Variants in NCAM1 observed in about 807,000 individuals in gnomAD.
The protein encoded by NCAM1 is neural cell adhesion molecule 1.
A neutral mutation model predicts 109.8 loss-of-function variants in NCAM1; 14 were observed. The ratio of observed to expected loss-of-function variants is 0.13; its 90% confidence interval spans 0.08 to 0.20. NCAM1 has a LOEUF of 0.20. Ranked by LOEUF, NCAM1 falls within the 10% of genes least tolerant of loss-of-function variation. NCAM1 has a pLI of 1.00. For synonymous variants in NCAM1, 418 were observed against 442.9 expected (o/e 0.94, Z 0.70); for missense variants, 774 against 1,109.9 (o/e 0.70, Z 4.30).
intron 1 of NCAM1, among the ~76,000 whole-genome samples, chr11:113,155,194 G>T (rs1290023804): frequency 1.3e-5 from 2 of 152,156 alleles, no homozygotes; most frequent in African/African-American, 2.4e-5. Flanking sequence ...GTCATTAGAG[G>T]GTTGTATATT....
chr11:113,044,765 G>GT lies in NCAM1; in HGVS notation c.52+83107dup, dbSNP rs1953205955. On this transcript the variant is annotated intron_variant, in intron 1 of 19. Transcript: ENST00000316851. ...GTGAGCTTTTTTTACTTTTATTTCT[G>GT]TTTTTTGAGACGGAGTCTCGCTCTG... Among the ~76,000 whole-genome samples the GT allele has an allele frequency of 2.6e-5, 4 of 151,602 alleles. No individual in the cohort carries two copies. In the South Asian group the frequency reaches 6.3e-4, roughly 24 times the overall value.
chr11:113,109,640 T>G (rs1221487331), intron 1 of NCAM1, among the ~76,000 whole-genome samples: 3 of 152,228 alleles, frequency 2.0e-5, no homozygotes, highest in Non-Finnish European at 4.4e-5. Flanking sequence ...CTGTTTGTTT[T>G]GTTGTTCAGA....
intron 9 of NCAM1, among the ~76,000 whole-genome samples, chr11:113,224,183 C>T (rs1387106164): frequency 6.6e-6 from 1 of 152,202 alleles, no homozygotes; most frequent in Non-Finnish European, 1.5e-5. Context: ...CCTTTTCTAG[C>T]CAAGGAAAGG....
At chr11:113,150,609 C>T (rs745742555) in intron 1 of NCAM1, among the ~76,000 whole-genome samples, 3 of 152,252 alleles carry the variant, frequency 2.0e-5, no homozygotes, top group Non-Finnish European at 4.4e-5. Context: ...ATTTGTAACT[C>T]ATTTGGGGAG....
At chr11:113,148,314 C>T (rs1442452591) in intron 1 of NCAM1, among the ~76,000 whole-genome samples, 8 of 151,796 alleles carry the variant, frequency 5.3e-5, no homozygotes, top group Non-Finnish European at 1.2e-4. Flanking sequence ...CCAGATCAGT[C>T]ACCTGGGCCA....
At chr11:113,158,438 A>G (rs1412124034) in intron 1 of NCAM1, among the ~76,000 whole-genome samples, 4 of 152,186 alleles carry the variant, frequency 2.6e-5, no homozygotes, top group East Asian at 1.9e-4. Flanking sequence ...CCTGGAGACT[A>G]TTGTACTTCA....
rs144997677 is a variant in NCAM1, at chr11:112,968,582, A to T, written c.52+6918A>T. ...GTGCTCTGTGCTGGGTGCTGGGAAT[A>T]CAGCGGTGAACTAAACGTACATCGT... On this transcript the variant is annotated intron_variant, in intron 1 of 19. Coordinates refer to ENST00000316851, the MANE Select transcript of NCAM1 (RefSeq NM_181351.5). Among the ~76,000 whole-genome samples the T allele has an allele frequency of 1.1e-3, 172 of 152,334 alleles. 2 individuals are homozygous for T. In the East Asian group the frequency reaches 0.03, roughly 26 times the overall value.
At chr11:113,270,503 A>T in intron 18 of NCAM1, 108 bp downstream of exon 18, 1 of 1,051,166 alleles carries the variant, frequency 9.5e-7, no homozygotes, top group Admixed American at 2.3e-5. Flanking sequence ...CTTTCATTGC[A>T]CGTTCTCCAT....
At chr11:113,201,895 G>A (rs1337084415) in intron 1 of NCAM1, among the ~76,000 whole-genome samples, 3 of 152,230 alleles carry the variant, frequency 2.0e-5, no homozygotes, top group Non-Finnish European at 4.4e-5. Context: ...ACAGCCTGGG[G>A]AACTGGCAGG....
intron 1 of NCAM1, among the ~76,000 whole-genome samples, chr11:113,199,778 TATA>T (rs1239753429): frequency 9.7e-6 from 1 of 103,464 alleles, no homozygotes; most frequent in South Asian, 3.2e-4. Flanking sequence ...AAACTTAAAG[TATA>T]ATAATAAAAA....
chr11:113,025,876 G>T (rs963445826), intron 1 of NCAM1, among the ~76,000 whole-genome samples: 1 of 151,808 alleles, frequency 6.6e-6, no homozygotes, highest in Non-Finnish European at 1.5e-5. Flanking sequence ...ATCAGCGTGG[G>T]TTGGCTGCTT....
At chr11:113,032,732 A>G (rs1379166962) in intron 1 of NCAM1, among the ~76,000 whole-genome samples, 2 of 152,094 alleles carry the variant, frequency 1.3e-5, no homozygotes, top group Non-Finnish European at 2.9e-5. Flanking sequence ...TACAGCTTCT[A>G]CCTGTTGGGA....
chr11:112,976,235 ATAAG>A (rs782100355), intron 1 of NCAM1, among the ~76,000 whole-genome samples: 4 of 151,994 alleles, frequency 2.6e-5, no homozygotes, highest in African/African-American at 7.2e-5. Context: ...TTTGTTTGTG[ATAAG>A]TGAGTATAAA....
chr11:113,267,485 C>G (rs1946156221), intron 17 of NCAM1, among the ~76,000 whole-genome samples: 1 of 151,682 alleles, frequency 6.6e-6, no homozygotes, highest in African/African-American at 2.4e-5. Context: ...GGACTGAGGC[C>G]TGCAGGACAA....
intron 1 of NCAM1, among the ~76,000 whole-genome samples, chr11:113,064,769 T>A (rs1327740189): frequency 6.6e-6 from 1 of 152,212 alleles, no homozygotes; most frequent in Non-Finnish European, 1.5e-5. Context: ...AAAATGTAAA[T>A]GACATAATTT....
rs1389480369 is a variant in NCAM1, at chr11:113,000,856, A to AAAAT, written c.52+39193_52+39194insAATA. Among the ~76,000 whole-genome samples the AAAAT allele has an allele frequency of 8.2e-3, 367 of 44,616 alleles. 4 individuals are homozygous for AAAAT. The highest frequency in any genetic ancestry group is 0.026 in the Middle Eastern group (3 of 116). 29.3% of individuals were successfully genotyped at this position (44,616 alleles called of 152,430 possible). On this transcript the variant is annotated intron_variant, in intron 1 of 19. Coordinates refer to ENST00000316851, the MANE Select transcript of NCAM1 (RefSeq NM_181351.5). ...TATATATATATATATATACACAAAA[A>AAAAT]ATATATATATATATACACATACACG...
Position 112,992,796 on chromosome 11 carries a change from C to T in NCAM1, c.52+31132C>T, listed in dbSNP as rs112937170. On this transcript the variant is annotated intron_variant, in intron 1 of 19. Coordinates refer to ENST00000316851, the MANE Select transcript of NCAM1 (RefSeq NM_181351.5). ...TGCTGGGATTACAGGCGTGAGCCAC[C>T]GCACCCGGCCTGAAAAATCACTGAA... Among the ~76,000 whole-genome samples the T allele has an allele frequency of 8.9e-3, 1,357 of 152,186 alleles. 20 individuals carry two copies. The highest frequency in any genetic ancestry group is 0.031 in the African/African-American group (1,282 of 41,532).
At chr11:112,992,049 A>G (rs1420776592) in intron 1 of NCAM1, among the ~76,000 whole-genome samples, 1 of 152,166 alleles carries the variant, frequency 6.6e-6, no homozygotes, top group Non-Finnish European at 1.5e-5. Context: ...TGAGAGGAAC[A>G]GGGAAGAGGA....
At chr11:113,128,897 A>G (rs1941282267) in intron 1 of NCAM1, among the ~76,000 whole-genome samples, 1 of 136,246 alleles carries the variant, frequency 7.3e-6, no homozygotes, top group South Asian at 2.6e-4. Flanking sequence ...AAATACTTCA[A>G]GTTGTGAGGG....
Sources: allele counts gnomAD v4.1 joint callset (sites outside exome capture counted in the v4.1 genomes callset), GRCh38; gene constraint gnomAD v4.1.1; transcripts MANE v1.5; gene names NCBI Gene and HGNC (gene_info 2026-07-23, HGNC 2026-07-21).